The following DNAH6 variants were observed in gnomAD, a reference collection of about 807,000 sequenced individuals.
The protein encoded by DNAH6 is dynein axonemal heavy chain 6.
A neutral mutation model predicts 491.4 loss-of-function variants in DNAH6; 340 were observed. The observed-to-expected ratio is 0.69, with a 90% confidence interval of 0.63 to 0.76. The LOEUF (loss-of-function observed/expected upper bound fraction) is 0.76, where lower values mean the gene tolerates loss of function less well. Ranked by LOEUF, DNAH6 falls within the 30% of genes least tolerant of loss-of-function variation. The probability of loss-of-function intolerance (pLI) is 0.00; values close to 1 mark genes in which losing one functional copy is unlikely to be tolerated. For synonymous variants in DNAH6, 1,603 were observed against 1,686.1 expected (o/e 0.95, Z 1.21); for missense variants, 4,443 against 4,972.2 (o/e 0.89, Z 3.20).
At position 84,634,537 on chromosome 2, in the gene DNAH6, T is replaced by G; in HGVS notation, c.4549T>G (p.Ser1517Ala). The G allele has an allele frequency of 1.3e-6, 2 of 1,548,978 alleles. No homozygotes were observed. Among genetic ancestry groups the G allele is most frequent in the Middle Eastern group, 1.7e-4 (1 of 5,978 alleles). Residue 1517 changes from serine (S) to alanine (A), a missense_variant, in exon 30 of 77, where the codon TCA (serine) becomes GCA (alanine). By Grantham distance (99) the Ser-to-Ala change is moderately conservative. Transcript: ENST00000389394. ...GCGCTTCTTCAGTGGCTTGGCACAG[T>G]CAGGGGCCTGGTGCTGCTTTGATGA... ...MGRFFSGLAQSGAWCCFDEFN... is the reference protein window; with the variant it reads ...MGRFFSGLAQAGAWCCFDEFN...
chr2:84,794,878 C>T (rs1269647143), intron 68 of DNAH6, among the ~76,000 whole-genome samples: 332 of 150,074 alleles, frequency 2.2e-3, no homozygotes, highest in Non-Finnish European at 3.8e-3. Context: ...CACATGCACA[C>T]GTATGTTTAT....
chr2:84,595,005 A>G (rs1187072122), intron 17 of DNAH6, among the ~76,000 whole-genome samples: 2 of 152,166 alleles, frequency 1.3e-5, no homozygotes, highest in African/African-American at 2.4e-5. Context: ...AGCTTAAAGG[A>G]TTTTCTGATT....
chr2:84,724,195 A>G (rs866504451), intron 60 of DNAH6, among the ~76,000 whole-genome samples: 26 of 152,334 alleles, frequency 1.7e-4, no homozygotes, highest in South Asian at 1.2e-3. Context: ...CATGCCACTC[A>G]GTAGAAAACA....
chr2:84,639,417 AT>A (rs374331918), intron 31 of DNAH6, among the ~76,000 whole-genome samples: 10,207 of 133,118 alleles, frequency 0.077, 911 homozygotes, highest in African/African-American at 0.24. Context: ...GTTGTCAGTA[AT>A]TTTTTTTTTT....
intron 61 of DNAH6, among the ~76,000 whole-genome samples, chr2:84,732,647 A>C (rs1050975850): frequency 6.6e-6 from 1 of 152,206 alleles, no homozygotes; most frequent in East Asian, 1.9e-4. Context: ...GGGGAGTAAT[A>C]GCTAAGGGGT....
chr2:84,740,232 G>C (rs1672383762), intron 62 of DNAH6, among the ~76,000 whole-genome samples: 1 of 152,070 alleles, frequency 6.6e-6, no homozygotes, highest in African/African-American at 2.4e-5. Flanking sequence ...AATTTTATTT[G>C]GTGGCGTAAT....
At chr2:84,812,205 C>A in intron 72 of DNAH6, 136 bp from the exon 73 acceptor site, 1 of 695,382 alleles carries the variant, frequency 1.4e-6, no homozygotes, top group Non-Finnish European at 2.4e-6. Context: ...TCTGGCCCAG[C>A]AGACAGTGTG....
Position 84,596,615 on chromosome 2 carries a change from G to A in DNAH6, c.2868+826G>A, listed in dbSNP as rs1323552761. 5.3e-5 allele frequency among the ~76,000 whole-genome samples: 8 copies of A among 151,788 alleles called. No individual in the cohort carries two copies. In the South Asian group the frequency reaches 1.0e-3, roughly 20 times the overall value. ...CAAAGTGCTGGGATTACAGGCGTGAGCCACTGCGCCTGGACAATTTTAGGG... is the reference window on the plus strand; with the variant it reads ...CAAAGTGCTGGGATTACAGGCGTGAACCACTGCGCCTGGACAATTTTAGGG... On this transcript the variant is annotated intron_variant, in intron 18 of 76. Transcript: ENST00000389394.
At chr2:84,681,199 A>G (rs1331628394) in intron 41 of DNAH6, among the ~76,000 whole-genome samples, 158 bp from the exon 42 acceptor site, 1 of 152,250 alleles carries the variant, frequency 6.6e-6, no homozygotes, top group Non-Finnish European at 1.5e-5. Context: ...ATTCTCAAGA[A>G]TGTTTTCTGA....
intron 63 of DNAH6, among the ~76,000 whole-genome samples, chr2:84,748,097 G>A (rs909692063): frequency 6.6e-6 from 1 of 152,160 alleles, no homozygotes; most frequent in African/African-American, 2.4e-5. Context: ...TTTCTGAAAT[G>A]CCTTTGAAGT....
At chr2:84,736,523 T>C (rs1699553256) in intron 62 of DNAH6, among the ~76,000 whole-genome samples, 1 of 152,104 alleles carries the variant, frequency 6.6e-6, no homozygotes, top group African/African-American at 2.4e-5. Flanking sequence ...CTTTCGGCAA[T>C]GTTTTGTAGT....
At chr2:84,707,803 G>A (rs1573555155) in intron 54 of DNAH6, 87 bp downstream of exon 54, 1 of 980,822 alleles carries the variant, frequency 1.0e-6, no homozygotes, top group East Asian at 2.6e-5. Flanking sequence ...TTCAGATGGA[G>A]GCTCTCCACT....
At chr2:84,808,261 A>G (rs1679633419) in intron 71 of DNAH6, among the ~76,000 whole-genome samples, 154 bp from the exon 72 acceptor site, 1 of 152,160 alleles carries the variant, frequency 6.6e-6, no homozygotes, top group South Asian at 2.1e-4. Context: ...AGCATTCTAA[A>G]TTATAGAAAC....
intron 3 of DNAH6, among the ~76,000 whole-genome samples, chr2:84,526,110 T>C (rs543067763): frequency 1.9e-4 from 29 of 152,220 alleles, no homozygotes; most frequent in African/African-American, 6.7e-4. Context: ...CAAGACAATT[T>C]GTGTAGCTGG....
intron 47 of DNAH6, 37 bp from the exon 48 acceptor site, chr2:84,699,557 T>C (rs1372560618): frequency 5.2e-6 from 8 of 1,525,320 alleles, no homozygotes; most frequent in Non-Finnish European, 7.1e-6. Context: ...TGCTTAATCA[T>C]TATTTTAAAC....
chr2:84,678,448 G>T (rs879693033), intron 41 of DNAH6, among the ~76,000 whole-genome samples: 2 of 152,280 alleles, frequency 1.3e-5, no homozygotes, highest in Admixed American at 1.3e-4. Context: ...TGTGGTGAGT[G>T]GTGAGGGGTG....
intron 47 of DNAH6, 94 bp downstream of exon 47, chr2:84,697,821 A>G: frequency 8.0e-6 from 11 of 1,375,962 alleles, no homozygotes; most frequent in Non-Finnish European, 1.1e-5. Context: ...GGGGTCCATG[A>G]ATAAAATTTT....
chr2:84,529,370 C>T (rs1676935078), intron 4 of DNAH6, among the ~76,000 whole-genome samples: 1 of 151,740 alleles, frequency 6.6e-6, no homozygotes, highest in African/African-American at 2.4e-5. Context: ...ACTATCTTAC[C>T]TGCACTACTG....
chr2:84,674,905 C>T (rs1342764370), intron 40 of DNAH6, among the ~76,000 whole-genome samples: 3 of 152,132 alleles, frequency 2.0e-5, no homozygotes, highest in Non-Finnish European at 4.4e-5. Context: ...TGCTCTGATC[C>T]GAGGGTCTTT....
Sources: allele counts gnomAD v4.1 joint callset (sites outside exome capture counted in the v4.1 genomes callset), GRCh38; gene constraint gnomAD v4.1.1; transcripts MANE v1.5; gene names NCBI Gene and HGNC (gene_info 2026-07-23, HGNC 2026-07-21).